KCNT2: variants seen among roughly 807,000 people sequenced by gnomAD.
The protein encoded by KCNT2 is potassium sodium-activated channel subfamily T member 2, also known as potassium channel subfamily T member 2.
Under a neutral mutation model 153.8 loss-of-function variants are expected in KCNT2, and 67 were observed. The observed-to-expected ratio is 0.44, with a 90% CI of 0.36 to 0.53. The LOEUF is 0.53. KCNT2 is among the 20% of genes least tolerant of loss of function. The pLI, the probability that KCNT2 is intolerant of heterozygous loss-of-function variation, is 0.00. For synonymous variants in KCNT2, 500 were observed against 458.8 expected (o/e 1.09, Z -1.15); for missense variants, 975 against 1,354.8 (o/e 0.72, Z 4.40).
At chr1:196,282,159 G>T (rs1659172995) in intron 24 of KCNT2, 114 bp downstream of exon 24, 3 of 513,452 alleles carry the variant, frequency 5.8e-6, no homozygotes, top group Non-Finnish European at 1.1e-5. Context: ...AATGCATCTG[G>T]ATTCACAATA....
rs376829756 is a variant in KCNT2, at chr1:196,247,082, G to A, written c.3212-11012C>T. ...AAGACACACATAGACTGAAAAAAAGGTATGGAAAAAGACATTCCATGCCAA... is the reference window on the plus strand; with the variant it reads ...AAGACACACATAGACTGAAAAAAAGATATGGAAAAAGACATTCCATGCCAA... On this transcript the variant is annotated intron_variant, in intron 26 of 27. Coordinates refer to ENST00000294725, the MANE Select transcript of KCNT2 (RefSeq NM_198503.5). Among the ~76,000 whole-genome samples the A allele has an allele frequency of 4.6e-5, 7 of 152,040 alleles. No individual in the cohort carries two copies. The East Asian group carries it at 7.7e-4, about 17-fold the overall frequency.
chr1:196,555,895 T>C (rs1442987118), intron 1 of KCNT2, among the ~76,000 whole-genome samples: 1 of 151,236 alleles, frequency 6.6e-6, no homozygotes, highest in Non-Finnish European at 1.5e-5. Context: ...AAACTATTCA[T>C]TGGGGAAAGG....
intron 1 of KCNT2, among the ~76,000 whole-genome samples, chr1:196,510,819 A>C (rs939387410): frequency 6.6e-6 from 1 of 152,152 alleles, no homozygotes; most frequent in Non-Finnish European, 1.5e-5. Context: ...CTACAACACA[A>C]AGTTTGTATC....
At position 196,555,042 on chromosome 1, in the gene KCNT2, GA is replaced by G. The variant is rs199675736; in HGVS notation, c.95+53172del. On this transcript the variant is annotated intron_variant, in intron 1 of 27. Transcript: ENST00000294725. ...TCACAGATAGTATCATACTGCATGG[GA>G]AAAAAACTGGCAACCTTTCCTCTAA... 4.6e-5 allele frequency among the ~76,000 whole-genome samples: 7 copies of G among 151,108 alleles called. No individual in the cohort carries two copies. In the East Asian group the frequency reaches 9.7e-4, roughly 21 times the overall value.
intron 18 of KCNT2, among the ~76,000 whole-genome samples, chr1:196,329,065 T>G (rs565875593): frequency 2.0e-5 from 3 of 152,064 alleles, no homozygotes; most frequent in Non-Finnish European, 4.4e-5. Flanking sequence ...GATTTAGAAA[T>G]AGCTCAATTA....
intron 3 of KCNT2, among the ~76,000 whole-genome samples, chr1:196,483,319 C>T (rs754258011): frequency 2.0e-5 from 3 of 152,150 alleles, no homozygotes; most frequent in Non-Finnish European, 2.9e-5. Context: ...TTCGTCTCTA[C>T]TACCACAATC....
At chr1:196,357,859 G>C (rs774610941) in intron 14 of KCNT2, among the ~76,000 whole-genome samples, 47 of 151,758 alleles carry the variant, frequency 3.1e-4, no homozygotes, top group Non-Finnish European at 5.2e-4. Context: ...TTAAAACTAG[G>C]CAATGGGTAG....
At position 196,462,433 on chromosome 1, in the gene KCNT2, G is replaced by A. The variant is rs1677228965; in HGVS notation, c.638+2860C>T. 1.3e-5 allele frequency among the ~76,000 whole-genome samples: 2 copies of A among 151,566 alleles called. 1 individual carries two copies. Among genetic ancestry groups the A allele is most frequent in the South Asian group, 4.1e-4 (2 of 4,820 alleles). The stretch of plus-strand genomic sequence containing the variant: ...GAAATACTGAAAACTTGAATACAGT[G>A]GTGAAAGATGTTTTCTTATATTTTC... On this transcript the variant is annotated intron_variant, in intron 8 of 27. Coordinates refer to ENST00000294725, the MANE Select transcript of KCNT2 (RefSeq NM_198503.5).
chr1:196,488,450 T>C (rs995759638), intron 3 of KCNT2, among the ~76,000 whole-genome samples: 1 of 151,662 alleles, frequency 6.6e-6, no homozygotes, highest in Non-Finnish European at 1.5e-5. Context: ...TGATATTACA[T>C]AGAAGTTAAT....
intron 1 of KCNT2, among the ~76,000 whole-genome samples, chr1:196,576,086 A>ATG (rs1257515766): frequency 0.019 from 2,929 of 150,464 alleles, 97 homozygotes; most frequent in African/African-American, 0.068. Flanking sequence ...ATATATATAT[A>ATG]TATATGTGTG....
At chr1:196,273,687 T>C (rs769704484) in intron 25 of KCNT2, among the ~76,000 whole-genome samples, 12 of 151,756 alleles carry the variant, frequency 7.9e-5, no homozygotes, top group Non-Finnish European at 1.6e-4. Flanking sequence ...AAAGATTCAG[T>C]CTTGTTAGAT....
chr1:196,498,915 T>C (rs925607337), intron 1 of KCNT2, among the ~76,000 whole-genome samples: 4 of 152,338 alleles, frequency 2.6e-5, no homozygotes, highest in Admixed American at 2.0e-4. Flanking sequence ...AAGTCCTAGC[T>C]CTCATGACCT....
intron 14 of KCNT2, among the ~76,000 whole-genome samples, chr1:196,349,962 G>T (rs959803195): frequency 4.6e-5 from 7 of 151,914 alleles, no homozygotes; most frequent in Admixed American, 1.3e-4. Context: ...GTGGTATTTG[G>T]TTTTTTGTCC....
chr1:196,394,873 G>T (rs950113322), intron 13 of KCNT2, among the ~76,000 whole-genome samples: 1 of 151,210 alleles, frequency 6.6e-6, no homozygotes, highest in South Asian at 2.1e-4. Context: ...ACCTATGTTT[G>T]TACCTAAATG....
At chr1:196,502,724 G>A (rs537910830) in intron 1 of KCNT2, among the ~76,000 whole-genome samples, 10 of 151,908 alleles carry the variant, frequency 6.6e-5, no homozygotes, top group African/African-American at 1.9e-4. Context: ...ACTCTTTAAC[G>A]CAAAAAAGTA....
chr1:196,602,230 A>C (rs923499973), intron 1 of KCNT2, among the ~76,000 whole-genome samples: 6 of 152,238 alleles, frequency 3.9e-5, no homozygotes, highest in Non-Finnish European at 8.8e-5. Flanking sequence ...CTTAATTTCA[A>C]ATTGTAAGTA....
intron 12 of KCNT2, among the ~76,000 whole-genome samples, chr1:196,414,792 G>T (rs1157992152): frequency 6.6e-6 from 1 of 151,866 alleles, no homozygotes; most frequent in African/African-American, 2.4e-5. Flanking sequence ...TAGTGTGAGT[G>T]AGTTTAAGAA....
At chr1:196,549,362 C>T (rs191075573) in intron 1 of KCNT2, among the ~76,000 whole-genome samples, 2 of 151,868 alleles carry the variant, frequency 1.3e-5, no homozygotes, top group East Asian at 1.9e-4. Context: ...TAATAGGCCC[C>T]CCCACACTAG....
At chr1:196,490,002 T>G (rs1679738279) in intron 2 of KCNT2, 65 bp from the exon 3 acceptor site, 2 of 713,274 alleles carry the variant, frequency 2.8e-6, no homozygotes, top group Admixed American at 2.9e-5. Flanking sequence ...TAAAAAGAAT[T>G]GTCAAAAATA....
Sources: gnomAD v4.1 joint callset for allele counts (sites outside exome capture counted in the v4.1 genomes callset) on GRCh38, gnomAD v4.1.1 for gene constraint, MANE v1.5 for transcripts, NCBI Gene and HGNC (gene_info 2026-07-23, HGNC 2026-07-21) for gene names.